COBL: variants seen among roughly 807,000 people sequenced by gnomAD.
COBL encodes protein cordon-bleu.
COBL carries 51 observed loss-of-function variants against 98.8 expected under a neutral mutation model. The observed-to-expected ratio is 0.52, with a 90% CI of 0.41 to 0.65. The LOEUF (loss-of-function observed/expected upper bound fraction) is 0.65. COBL is among the 30% of genes least tolerant of loss of function. The probability of loss-of-function intolerance (pLI) is 0.00; values close to 1 mark genes in which losing one functional copy is unlikely to be tolerated. For missense variants in COBL, 1,617 were observed against 1,617.5 expected, an observed-to-expected ratio of 1.00 and a Z score of 0.01; for synonymous variants, 634 against 651.7, an observed-to-expected ratio of 0.97 and a Z score of 0.41.
At chr7:51,304,343 C>G (rs973080163) in intron 1 of COBL, among the ~76,000 whole-genome samples, 1 of 152,366 alleles carries the variant, frequency 6.6e-6, no homozygotes, top group African/African-American at 2.4e-5. Context: ...CCACAGTCCC[C>G]AACCCACCCT....
intron 1 of COBL, among the ~76,000 whole-genome samples, chr7:51,257,567 C>T (rs1797309867): frequency 6.6e-6 from 1 of 152,178 alleles, no homozygotes; most frequent in Non-Finnish European, 1.5e-5. Flanking sequence ...TAGGCTTATA[C>T]ACTTCAATGT....
chr7:51,050,521 C>G (rs1790129431), intron 7 of COBL, among the ~76,000 whole-genome samples: 1 of 152,206 alleles, frequency 6.6e-6, no homozygotes, highest in Non-Finnish European at 1.5e-5. Flanking sequence ...AACTATTTCC[C>G]TAGGACAATG....
At chr7:51,312,956 A>C (rs1214150599) in intron 1 of COBL, among the ~76,000 whole-genome samples, 1 of 152,190 alleles carries the variant, frequency 6.6e-6, no homozygotes, top group African/African-American at 2.4e-5. Context: ...CAACTCTTCT[A>C]ATTTATTAGT....
At chr7:51,303,051 A>C (rs1443100649) in intron 1 of COBL, among the ~76,000 whole-genome samples, 2 of 152,232 alleles carry the variant, frequency 1.3e-5, no homozygotes, top group African/African-American at 2.4e-5. Flanking sequence ...TTATCACTGC[A>C]ATAGAAACCT....
intron 5 of COBL, among the ~76,000 whole-genome samples, chr7:51,177,029 C>A (rs1347181273): frequency 6.6e-6 from 1 of 152,008 alleles, no homozygotes. Flanking sequence ...AGATTTTTGC[C>A]TGGGTCTACT....
intron 5 of COBL, among the ~76,000 whole-genome samples, chr7:51,141,649 TA>T (rs1307546349): frequency 6.6e-6 from 1 of 151,028 alleles, no homozygotes; most frequent in East Asian, 1.9e-4. Context: ...TTTTTTTTTT[TA>T]AGGCTTTGTT....
chr7:51,036,693 G>A (rs1788680537), intron 8 of COBL, among the ~76,000 whole-genome samples: 1 of 152,144 alleles, frequency 6.6e-6, no homozygotes. Flanking sequence ...AAATGTACAG[G>A]CTGCCAGGCT....
intron 7 of COBL, chr7:51,073,525 G>GT (rs1562874881): frequency 8.8e-6 from 4 of 454,886 alleles, no homozygotes; most frequent in Non-Finnish European, 1.6e-5. Flanking sequence ...TATTGTTATT[G>GT]TTTTCTTCCT....
chr7:51,091,573 G>C (rs1197761544), intron 6 of COBL, among the ~76,000 whole-genome samples: 1 of 152,138 alleles, frequency 6.6e-6, no homozygotes, highest in African/African-American at 2.4e-5. Context: ...GGGGATCAGA[G>C]AAGGAGAAGA....
At chr7:51,098,076 T>C (rs1167559731) in intron 6 of COBL, among the ~76,000 whole-genome samples, 1 of 150,920 alleles carries the variant, frequency 6.6e-6, no homozygotes. Context: ...AAAAAAGACT[T>C]GCACACTGAA....
At chr7:51,214,720 A>C (rs1358593284) in intron 2 of COBL, among the ~76,000 whole-genome samples, 2 of 152,198 alleles carry the variant, frequency 1.3e-5, no homozygotes, top group Non-Finnish European at 1.5e-5. Context: ...TGGGCTTAAA[A>C]ATGCATGTCA....
At chr7:51,293,998 G>T (rs1478923916) in intron 1 of COBL, among the ~76,000 whole-genome samples, 1 of 152,154 alleles carries the variant, frequency 6.6e-6, no homozygotes, top group Non-Finnish European at 1.5e-5. Context: ...CAACAGTCAA[G>T]AACTACCTTA....
intron 2 of COBL, among the ~76,000 whole-genome samples, chr7:51,195,611 G>A (rs1412480247): frequency 6.6e-6 from 1 of 152,098 alleles, no homozygotes; most frequent in Non-Finnish European, 1.5e-5. Context: ...TGGGCAATAT[G>A]GCCATTTTTA....
chr7:51,282,386 A>G (rs777169294), intron 1 of COBL, among the ~76,000 whole-genome samples: 1 of 152,110 alleles, frequency 6.6e-6, no homozygotes, highest in Non-Finnish European at 1.5e-5. Context: ...GAAAAACCAC[A>G]CCTACAAATA....
chr7:51,105,353 C>T (rs918423030), intron 6 of COBL, among the ~76,000 whole-genome samples: 13 of 152,322 alleles, frequency 8.5e-5, no homozygotes, highest in Admixed American at 2.6e-4. Flanking sequence ...CTACCCACCA[C>T]CTGCTGCGCG....
intron 7 of COBL, among the ~76,000 whole-genome samples, chr7:51,082,631 C>T (rs1049939901): frequency 3.9e-5 from 6 of 152,058 alleles, no homozygotes; most frequent in African/African-American, 1.4e-4. Flanking sequence ...AGTTCCACAG[C>T]TAACTTACGA....
At chr7:51,146,783 G>A (rs1017394641) in intron 5 of COBL, among the ~76,000 whole-genome samples, 5 of 152,234 alleles carry the variant, frequency 3.3e-5, no homozygotes, top group African/African-American at 9.6e-5. Context: ...CAAGGAATAC[G>A]GGATATTCCC....
intron 1 of COBL, among the ~76,000 whole-genome samples, chr7:51,271,460 C>G (rs1005516287): frequency 3.3e-5 from 5 of 152,192 alleles, no homozygotes; most frequent in Admixed American, 1.3e-4. Context: ...CAACTACTTA[C>G]GTCAGTCACG....
chr7:51,029,713 A>G, intron 9 of COBL, 122 bp from the exon 10 acceptor site: 1 of 810,848 alleles, frequency 1.2e-6, no homozygotes, highest in Non-Finnish European at 1.9e-6. Context: ...TACGTTTTAA[A>G]ATGTTATTTG....
Sources: allele counts gnomAD v4.1 joint callset (sites outside exome capture counted in the v4.1 genomes callset), GRCh38; gene constraint gnomAD v4.1.1; transcripts MANE v1.5; gene names NCBI Gene and HGNC (gene_info 2026-07-23, HGNC 2026-07-21).